CNTLN: variants seen among roughly 807,000 people sequenced by gnomAD.
CNTLN encodes the protein centlein, centrosomal protein.
A neutral mutation model predicts 180.0 loss-of-function variants in CNTLN; 212 were observed. That is an observed-to-expected ratio of 1.18 (90% CI 1.05 to 1.32). The LOEUF is 1.32. CNTLN is among the 40% of genes most tolerant of loss of function. CNTLN has a pLI of 0.00. For synonymous variants in CNTLN, 722 were observed against 563.1 expected, an observed-to-expected ratio of 1.28 and a Z score of -3.99; for missense variants, 2,095 against 1,610.9, an observed-to-expected ratio of 1.30 and a Z score of -5.14.
In CNTLN at chr9:17,164,927, C is replaced by A. The variant is rs1026015476; in HGVS notation, c.449+21551C>A. Among the ~76,000 whole-genome samples the A allele has an allele frequency of 3.6e-4, 55 of 151,260 alleles. 1 individual carries two copies. Among genetic ancestry groups the A allele is most frequent in the African/African-American group, 1.3e-3 (55 of 41,144 alleles). On this transcript the variant is annotated intron_variant, in intron 2 of 25. Transcript: ENST00000380647. Reference sequence around the variant, plus strand: ...CTTGGCTCACTGCGACCTCTGCCACCCGAGTTCAAGTGATTCTCCTGCCTC... The same window carrying A: ...CTTGGCTCACTGCGACCTCTGCCACACGAGTTCAAGTGATTCTCCTGCCTC...
At chr9:17,255,904 A>C (rs7020918) in intron 5 of CNTLN, among the ~76,000 whole-genome samples, 33,112 of 151,696 alleles carry the variant, frequency 0.22, 4,769 homozygotes, top group African/African-American at 0.41. Context: ...AGGATTGTAT[A>C]TACTTCCTTT....
intron 16 of CNTLN, among the ~76,000 whole-genome samples, chr9:17,409,684 A>G (rs1041920043): frequency 6.6e-6 from 1 of 150,980 alleles, no homozygotes; most frequent in African/African-American, 2.4e-5. Flanking sequence ...TACTATTCTT[A>G]TAAATCTTAA....
chr9:17,328,166 C>T (rs547098309), intron 8 of CNTLN, among the ~76,000 whole-genome samples: 10 of 152,192 alleles, frequency 6.6e-5, no homozygotes, highest in African/African-American at 2.4e-4. Context: ...CTCAGTTTAT[C>T]ATAGATATCT....
At chr9:17,423,144 T>C (rs2133934774) in intron 18 of CNTLN, among the ~76,000 whole-genome samples, 1 of 152,098 alleles carries the variant, frequency 6.6e-6, no homozygotes, top group Non-Finnish European at 1.5e-5. Context: ...TGTCCACCAC[T>C]GCTGAGGCTG....
chr9:17,334,326 C>T (rs1005039958), intron 10 of CNTLN, among the ~76,000 whole-genome samples: 2 of 152,048 alleles, frequency 1.3e-5, no homozygotes, highest in African/African-American at 4.8e-5. Flanking sequence ...TCCCAAAGTG[C>T]TGGGATTACA....
chr9:17,320,939 A>G (rs1485185031), intron 8 of CNTLN, among the ~76,000 whole-genome samples: 1 of 152,226 alleles, frequency 6.6e-6, no homozygotes, highest in Non-Finnish European at 1.5e-5. Flanking sequence ...CAGCAGGATT[A>G]TACCAAGTTA....
intron 2 of CNTLN, among the ~76,000 whole-genome samples, chr9:17,165,783 C>T (rs1009969467): frequency 1.3e-5 from 2 of 152,162 alleles, no homozygotes; most frequent in Non-Finnish European, 2.9e-5. Context: ...TATTCAGCCT[C>T]AGAGTTGCTG....
chr9:17,177,849 A>T (rs895017413), intron 2 of CNTLN, among the ~76,000 whole-genome samples: 11 of 152,084 alleles, frequency 7.2e-5, no homozygotes, highest in Admixed American at 4.6e-4. Context: ...ATGGAAGGGG[A>T]CCTGAATGGG....
chr9:17,464,531 A>C lies in CNTLN; in HGVS notation c.3439A>C (p.Arg1147=). Residue 1147 remains arginine (R), a synonymous_variant, in exon 21 of 26, where the codon AGA becomes CGA. Transcript: ENST00000380647. ...SRMERDITMK[R]HLIEDLKFRQ... ...AATGGAGAGGGATATAACTATGAAAAGACATTTGATAGAGGACTTGAAATT... is the reference window on the plus strand; with the variant it reads ...AATGGAGAGGGATATAACTATGAAACGACATTTGATAGAGGACTTGAAATT... 1 of 1,534,602 alleles carries C rather than the reference A, an allele frequency of 6.5e-7. No homozygotes were observed. The highest frequency in any genetic ancestry group is 8.7e-7 in the Non-Finnish European group (1 of 1,150,102).
rs1820963977 is a variant in CNTLN at position 17,179,245 on chromosome 9, A to G, written c.449+35869A>G. 3.7e-5 allele frequency among the ~76,000 whole-genome samples: 5 copies of G among 136,326 alleles called. No individual in the cohort carries two copies. The East Asian group carries it at 1.0e-3, about 28-fold the overall frequency. The allele number at this position is 136,326 out of a possible 152,430, so 89.4% of individuals were successfully genotyped here. On this transcript the variant is annotated intron_variant, in intron 2 of 25. Coordinates refer to ENST00000380647, the MANE Select transcript of CNTLN (RefSeq NM_017738.4). ...GGCGACAGAGCGAGACTCCGTCTCA[A>G]AAAAAAAAAAAAAAAAAAGAAGAAG...
intron 18 of CNTLN, among the ~76,000 whole-genome samples, chr9:17,438,521 T>C (rs1829916176): frequency 1.3e-5 from 2 of 152,058 alleles, no homozygotes; most frequent in Admixed American, 6.5e-5. Context: ...AATATTGTGG[T>C]GAGAAAATAC....
At chr9:17,278,941 T>G (rs182847049) in intron 6 of CNTLN, among the ~76,000 whole-genome samples, 80 of 150,736 alleles carry the variant, frequency 5.3e-4, no homozygotes, top group African/African-American at 1.2e-3. Context: ...TAATTTTAGG[T>G]TTTTTTTTCA....
At chr9:17,389,955 A>G (rs1470492228) in intron 14 of CNTLN, among the ~76,000 whole-genome samples, 1 of 152,132 alleles carries the variant, frequency 6.6e-6, no homozygotes, top group East Asian at 1.9e-4. Context: ...CTTTATTTAA[A>G]AAAAGGAAAT....
rs1822280807 is a variant in CNTLN at position 17,350,574 on chromosome 9, A to AT, written c.1886+8131dup. On this transcript the variant is annotated intron_variant, in intron 12 of 25. Transcript: ENST00000380647. ...GAGGTAACGCAAATCTCTTGCTGAT[A>AT]TAACAAAACGCCATAGGCTGGGTGG... Among the ~76,000 whole-genome samples the AT allele has an allele frequency of 2.0e-5, 3 of 152,290 alleles. No homozygotes were observed. The South Asian group carries it at 6.2e-4, about 32-fold the overall frequency.
intron 25 of CNTLN, among the ~76,000 whole-genome samples, chr9:17,496,813 G>T (rs1477842593): frequency 6.6e-6 from 1 of 152,086 alleles, no homozygotes; most frequent in Non-Finnish European, 1.5e-5. Flanking sequence ...AGTCATGAAG[G>T]AGCATACAAG....
intron 5 of CNTLN, among the ~76,000 whole-genome samples, chr9:17,270,944 GTTCT>G (rs1827892446): frequency 9.5e-6 from 1 of 105,488 alleles, no homozygotes; most frequent in African/African-American, 4.1e-5. Flanking sequence ...TCAGAGAGGA[GTTCT>G]TTTTTTTTTT....
chr9:17,354,077 G>A (rs1197772916), intron 12 of CNTLN, among the ~76,000 whole-genome samples: 4 of 152,228 alleles, frequency 2.6e-5, no homozygotes, highest in Non-Finnish European at 5.9e-5. Flanking sequence ...CTTAGCACCC[G>A]GGCCAGTGGC....
intron 3 of CNTLN, among the ~76,000 whole-genome samples, chr9:17,230,028 G>T (rs1043104604): frequency 1.3e-5 from 2 of 152,108 alleles, no homozygotes; most frequent in African/African-American, 4.8e-5. Context: ...TCACGAATTG[G>T]GTAACACTCA....
At position 17,273,819 on chromosome 9, in the gene CNTLN, T is replaced by G; in HGVS notation, c.936T>G (p.Asn312Lys). The part of the protein sequence containing the change: ...KYNALSLQLS[N>K]KQTELIQKDM... ...ATGCTCTATCATTACAGTTGAGTAA[T>G]AAACAGACTGAACTTATCCAGAAGG... is the stretch of plus-strand genomic sequence containing the variant. Residue 312 changes from asparagine (N) to lysine (K), a missense_variant, in exon 6 of 26, where the codon AAT becomes AAG. Coordinates refer to ENST00000380647, the MANE Select transcript of CNTLN (RefSeq NM_017738.4). The G allele has an allele frequency of 2.5e-6, 4 of 1,576,142 alleles. No individual in the cohort carries two copies. The South Asian group carries it at 4.7e-5, about 19-fold the overall frequency.
Sources: gnomAD v4.1 joint callset for allele counts (sites outside exome capture counted in the v4.1 genomes callset) on GRCh38, gnomAD v4.1.1 for gene constraint, MANE v1.5 for transcripts, NCBI Gene and HGNC (gene_info 2026-07-23, HGNC 2026-07-21) for gene names.